Variants in DNAH12 observed in about 807,000 individuals in gnomAD.
DNAH12 encodes dynein axonemal heavy chain 12, also known as axonemal beta dynein heavy chain 12.
A neutral mutation model predicts 371.5 loss-of-function variants in DNAH12; 285 were observed. The observed-to-expected ratio is 0.77, with a 90% CI of 0.70 to 0.85. The LOEUF is 0.85. DNAH12 is among the 40% of genes least tolerant of loss of function. DNAH12 has a pLI of 0.00. For synonymous variants in DNAH12, 1,200 were observed against 1,213.0 expected, an observed-to-expected ratio of 0.99 and a Z score of 0.22; for missense variants, 3,611 against 3,689.4, an observed-to-expected ratio of 0.98 and a Z score of 0.55.
intron 60 of DNAH12, among the ~76,000 whole-genome samples, chr3:57,335,263 C>A (rs1334267042): frequency 6.6e-6 from 1 of 152,072 alleles, no homozygotes; most frequent in Non-Finnish European, 1.5e-5. Context: ...TTGAGGAAAC[C>A]GGCATTAAGT....
chr3:57,467,162 G>T (rs1345535512), intron 17 of DNAH12, among the ~76,000 whole-genome samples: 1 of 152,022 alleles, frequency 6.6e-6, no homozygotes, highest in Non-Finnish European at 1.5e-5. Context: ...CTATTGCCCA[G>T]ACTGGGCATG....
intron 29 of DNAH12, among the ~76,000 whole-genome samples, chr3:57,442,706 T>C (rs1454946500): frequency 6.6e-6 from 1 of 152,234 alleles, no homozygotes; most frequent in African/African-American, 2.4e-5. Flanking sequence ...CAAGAAAATA[T>C]TAAAATTTTG....
intron 2 of DNAH12, among the ~76,000 whole-genome samples, chr3:57,538,075 G>A (rs1482414501): frequency 1.3e-5 from 2 of 152,062 alleles, no homozygotes; most frequent in Non-Finnish European, 2.9e-5. Context: ...TGAAAGTAGC[G>A]AAAAGAAACA....
intron 35 of DNAH12, among the ~76,000 whole-genome samples, chr3:57,424,734 G>C (rs2064707066): frequency 6.7e-6 from 1 of 149,902 alleles, no homozygotes; most frequent in African/African-American, 2.5e-5. Flanking sequence ...GTATTAAGCT[G>C]AGATCACGTC....
chr3:57,521,555 G>A (rs1370384174), intron 4 of DNAH12, among the ~76,000 whole-genome samples: 1 of 152,076 alleles, frequency 6.6e-6, no homozygotes, highest in Non-Finnish European at 1.5e-5. Context: ...TCTATTTCTA[G>A]GTCATCTATT....
At chr3:57,519,339 G>A (rs1469833387) in intron 4 of DNAH12, among the ~76,000 whole-genome samples, 1 of 152,120 alleles carries the variant, frequency 6.6e-6, no homozygotes, top group Non-Finnish European at 1.5e-5. Context: ...TGATTCCACA[G>A]CCTGTTGTAT....
At position 57,364,628 on chromosome 3, in the gene DNAH12, A is replaced by AT. The variant is rs1340515792; in HGVS notation, c.9168-843dup. The stretch of plus-strand genomic sequence containing the variant: ...AACACAAATTGAAAAATGGGATCTA[A>AT]TTAAACTAAGGAGCTTCTGCACAGC... On this transcript the variant is annotated intron_variant, in intron 57 of 73. Transcript: ENST00000495027. Among the ~76,000 whole-genome samples the AT allele has an allele frequency of 8.5e-5, 13 of 152,356 alleles. No individual in the cohort carries two copies. In the South Asian group the frequency reaches 2.1e-3, roughly 24 times the overall value.
intron 2 of DNAH12, among the ~76,000 whole-genome samples, chr3:57,527,058 C>T (rs992640378): frequency 6.6e-5 from 10 of 152,324 alleles, no homozygotes; most frequent in South Asian, 6.2e-4. Context: ...TCGTCTCAAA[C>T]TCCTGACCTC....
chr3:57,469,500 T>C (rs952813906), intron 16 of DNAH12, among the ~76,000 whole-genome samples: 8 of 152,088 alleles, frequency 5.3e-5, no homozygotes, highest in Admixed American at 1.3e-4. Context: ...CAAAGGAAAA[T>C]AATCATTCTG....
intron 60 of DNAH12, among the ~76,000 whole-genome samples, chr3:57,341,941 G>C (rs1470049174): frequency 6.6e-6 from 1 of 152,152 alleles, no homozygotes; most frequent in African/African-American, 2.4e-5. Context: ...GAACAGAATA[G>C]AGAACCCATA....
chr3:57,302,054 G>A (rs1427181038), intron 69 of DNAH12, 115 bp from the exon 70 acceptor site: 3 of 1,071,368 alleles, frequency 2.8e-6, no homozygotes, highest in South Asian at 3.2e-5. Context: ...TTCCCAAAAT[G>A]TGTCACCTCC....
At position 57,323,705 on chromosome 3, in the gene DNAH12, C is replaced by T. The variant is rs1047289398; in HGVS notation, c.9979-86G>A. On this transcript the variant is annotated intron_variant, in intron 62 of 73. Transcript: ENST00000495027. The stretch of plus-strand genomic sequence containing the variant: ...TATTATTGAAAAACAACAAAGAATA[C>T]AATTTGAGCCTAATGGTCAAAAAAA... 5.3e-4 allele frequency: 705 copies of T among 1,340,592 alleles called. 8 individuals carry two copies. The highest frequency in any genetic ancestry group is 1.0e-3 in the Middle Eastern group (5 of 4,944). 83.0% of individuals were successfully genotyped at this position (1,340,592 alleles called of 1,614,324 possible).
At chr3:57,400,741 C>T (rs1362091883) in intron 43 of DNAH12, among the ~76,000 whole-genome samples, 2 of 152,098 alleles carry the variant, frequency 1.3e-5, no homozygotes, top group Non-Finnish European at 2.9e-5. Context: ...ATAAGAAAAG[C>T]CACAAGTAAG....
intron 11 of DNAH12, among the ~76,000 whole-genome samples, chr3:57,500,743 G>A (rs904095161): frequency 6.6e-6 from 1 of 151,940 alleles, no homozygotes; most frequent in African/African-American, 2.4e-5. Context: ...CCAAATATAA[G>A]CTCCTGAAGA....
intron 6 of DNAH12, 129 bp from the exon 7 acceptor site, chr3:57,508,669 C>T: frequency 1.0e-6 from 1 of 1,002,764 alleles, no homozygotes; most frequent in Non-Finnish European, 1.4e-6. Context: ...GAGCTGTGGT[C>T]AGCAATGGGA....
At chr3:57,531,766 T>TCAAA (rs2068857189) in intron 2 of DNAH12, among the ~76,000 whole-genome samples, 1 of 51,612 alleles carries the variant, frequency 1.9e-5, no homozygotes, top group Admixed American at 2.8e-4. Flanking sequence ...CCACTCCATC[T>TCAAA]CAAAAAAAAA....
chr3:57,444,837 C>A, intron 28 of DNAH12, 21 bp from the exon 29 acceptor site: 1 of 1,538,918 alleles, frequency 6.5e-7, no homozygotes, highest in Non-Finnish European at 8.8e-7. Flanking sequence ...CCAAAAAGTA[C>A]AATGTTAAGT....
chr3:57,401,478 C>A (rs376083476), intron 43 of DNAH12, among the ~76,000 whole-genome samples: 1 of 145,842 alleles, frequency 6.9e-6, no homozygotes, highest in South Asian at 2.3e-4. Flanking sequence ...ACAGGAGAAT[C>A]GCTTGAACCT....
chr3:57,434,133 G>A (rs996227475), intron 30 of DNAH12, among the ~76,000 whole-genome samples: 1 of 152,156 alleles, frequency 6.6e-6, no homozygotes, highest in Non-Finnish European at 1.5e-5. Context: ...AGAGAACTGG[G>A]AAAGATTTAT....
Sources: allele counts gnomAD v4.1 joint callset (sites outside exome capture counted in the v4.1 genomes callset), GRCh38; gene constraint gnomAD v4.1.1; transcripts MANE v1.5; gene names NCBI Gene and HGNC (gene_info 2026-07-23, HGNC 2026-07-21).